The following KCNH5 variants were observed in gnomAD, a reference collection of about 807,000 sequenced individuals.
KCNH5 encodes the protein potassium voltage-gated channel subfamily H member 5, also known as voltage-gated delayed rectifier potassium channel KCNH5.
KCNH5 carries 46 observed loss-of-function variants against 96.1 expected under a neutral mutation model. The observed-to-expected ratio is 0.48, with a 90% CI of 0.38 to 0.61. KCNH5 has a LOEUF of 0.61. KCNH5 is among the 20% of genes least tolerant of loss of function. KCNH5 has a pLI of 0.00. For synonymous variants in KCNH5, 439 were observed against 449.8 expected, an observed-to-expected ratio of 0.98 and a Z score of 0.30; for missense variants, 907 against 1,225.8, an observed-to-expected ratio of 0.74 and a Z score of 3.88.
intron 4 of KCNH5, among the ~76,000 whole-genome samples, chr14:62,997,738 A>C (rs146945137): frequency 6.6e-6 from 1 of 151,618 alleles, no homozygotes; most frequent in African/African-American, 2.4e-5. Flanking sequence ...TCTACTAAAA[A>C]TACAAAAAAA....
At chr14:62,906,272 A>G (rs1889025583) in intron 7 of KCNH5, among the ~76,000 whole-genome samples, 1 of 152,166 alleles carries the variant, frequency 6.6e-6, no homozygotes. Flanking sequence ...AGTCACAAAT[A>G]TAGTATGTCT....
intron 7 of KCNH5, among the ~76,000 whole-genome samples, chr14:62,940,914 C>T (rs767795731): frequency 3.0e-4 from 46 of 152,206 alleles, no homozygotes; most frequent in Non-Finnish European, 2.5e-4. Context: ...AGATCCTCTT[C>T]TCACAAGTCC....
At chr14:62,784,471 A>T (rs1396274131) in intron 9 of KCNH5, among the ~76,000 whole-genome samples, 4 of 152,198 alleles carry the variant, frequency 2.6e-5, no homozygotes, top group African/African-American at 7.2e-5. Context: ...AATAATAGCA[A>T]CTGGATTTAA....
At chr14:62,838,167 GATC>G (rs1382732243) in intron 8 of KCNH5, among the ~76,000 whole-genome samples, 2 of 152,150 alleles carry the variant, frequency 1.3e-5, no homozygotes, top group African/African-American at 4.8e-5. Context: ...TCTTGGAAAA[GATC>G]ATCAAGCATA....
intron 8 of KCNH5, among the ~76,000 whole-genome samples, chr14:62,832,345 G>T (rs995308906): frequency 3.9e-5 from 6 of 152,072 alleles, no homozygotes; most frequent in Non-Finnish European, 7.4e-5. Context: ...CCTCAAATAA[G>T]TGGTATCATG....
At position 62,708,379 on chromosome 14, in the gene KCNH5, C is replaced by G. The variant is rs1482683755; in HGVS notation, c.2096G>C (p.Ser699Thr). 1.9e-6 allele frequency: 3 copies of G among 1,613,506 alleles called. No homozygotes were observed. The highest frequency in any genetic ancestry group is 1.7e-6 in the Non-Finnish European group (2 of 1,180,024). Residue 699 changes from serine (S) to threonine (T), a missense_variant, in exon 11 of 11, where the codon AGC (serine) becomes ACC (threonine). Around this residue, in one of 6 missense-constraint regions of KCNH5, gnomAD observed 362 missense variants for 394.4 expected, o/e 0.92. Transcript: ENST00000322893. Reference sequence around the variant, plus strand: ...TCTGACTGGGTGGTCCACGGGAATGCTGAGGGTCACCTCATTCTTCTGCCG... The same window carrying G: ...TCTGACTGGGTGGTCCACGGGAATGGTGAGGGTCACCTCATTCTTCTGCCG... ...RLRQKNEVTL[S>T]IPVDHPVRKL... is the part of the protein sequence containing the mutation.
At chr14:62,778,340 G>C (rs974699629) in intron 10 of KCNH5, among the ~76,000 whole-genome samples, 7 of 105,936 alleles carry the variant, frequency 6.6e-5, no homozygotes, top group Non-Finnish European at 1.6e-4. Context: ...ATCTGCATTT[G>C]GGCAAAAAAA....
At position 62,729,345 on chromosome 14, in the gene KCNH5, C is replaced by G. The variant is rs187935640; in HGVS notation, c.2020-20890G>C. Among the ~76,000 whole-genome samples the G allele has an allele frequency of 9.2e-5, 14 of 152,318 alleles. No individual in the cohort carries two copies. The East Asian group carries it at 2.5e-3, about 27-fold the overall frequency. On this transcript the variant is annotated intron_variant, in intron 10 of 10. Coordinates refer to ENST00000322893, the MANE Select transcript of KCNH5 (RefSeq NM_139318.5). ...TTAATACATTTTAGAGATGAAGGTG[C>G]TATTCATAATTATTCCAGGACTACA...
intron 1 of KCNH5, among the ~76,000 whole-genome samples, chr14:63,017,353 T>C: frequency 6.6e-6 from 1 of 151,912 alleles, no homozygotes; most frequent in East Asian, 1.9e-4. Context: ...AAGTTGATAA[T>C]AAAAGAAAAT....
intron 10 of KCNH5, among the ~76,000 whole-genome samples, chr14:62,755,695 G>A (rs1412081228): frequency 6.6e-6 from 1 of 152,182 alleles, no homozygotes; most frequent in Non-Finnish European, 1.5e-5. Context: ...GAACACTGAT[G>A]TAAAAACCTT....
At chr14:62,726,611 GAA>G (rs201993660) in intron 10 of KCNH5, among the ~76,000 whole-genome samples, 1 of 144,440 alleles carries the variant, frequency 6.9e-6, no homozygotes. Context: ...TGGCTAAAAT[GAA>G]AAAAAAAAAT....
At chr14:63,027,220 A>G (rs1891540207) in intron 1 of KCNH5, among the ~76,000 whole-genome samples, 1 of 152,072 alleles carries the variant, frequency 6.6e-6, no homozygotes, top group Admixed American at 6.6e-5. Context: ...GATGTTGGTC[A>G]AGGGACAAAA....
At chr14:62,784,183 G>C (rs1323729370) in intron 9 of KCNH5, among the ~76,000 whole-genome samples, 1 of 152,142 alleles carries the variant, frequency 6.6e-6, no homozygotes, top group Non-Finnish European at 1.5e-5. Context: ...TGGCAGGCAA[G>C]AGCGCTTGTA....
intron 4 of KCNH5, among the ~76,000 whole-genome samples, chr14:62,989,245 G>A (rs748693025): frequency 4.0e-5 from 6 of 151,850 alleles, no homozygotes; most frequent in African/African-American, 7.3e-5. Context: ...GAAACCTGAA[G>A]GCCTCCAGGA....
intron 7 of KCNH5, among the ~76,000 whole-genome samples, chr14:62,933,471 G>A (rs10142697): frequency 6.6e-6 from 1 of 151,840 alleles, no homozygotes; most frequent in Non-Finnish European, 1.5e-5. Context: ...GTGTGTGTGT[G>A]TATGTGTGTG....
chr14:62,913,682 A>C (rs34487983), intron 7 of KCNH5, among the ~76,000 whole-genome samples: 53,900 of 151,970 alleles, frequency 0.35, 10,344 homozygotes, highest in South Asian at 0.62. Context: ...AATAAGAACA[A>C]TATAAAACCC....
intron 7 of KCNH5, among the ~76,000 whole-genome samples, chr14:62,882,330 C>T (rs1037222296): frequency 1.3e-5 from 2 of 152,062 alleles, no homozygotes; most frequent in African/African-American, 2.4e-5. Flanking sequence ...TCTGAGAAGA[C>T]CACAGATCTT....
chr14:63,028,983 T>C (rs1460798966), intron 1 of KCNH5, among the ~76,000 whole-genome samples: 1 of 152,160 alleles, frequency 6.6e-6, no homozygotes, highest in African/African-American at 2.4e-5. Context: ...TTCATCTTTA[T>C]ACTTGAAGTT....
At chr14:62,950,586 ACACCACATTTTCAGG>A in intron 6 of KCNH5, 27 bp from the exon 7 acceptor site, 1 of 1,475,054 alleles carries the variant, frequency 6.8e-7, no homozygotes, top group Non-Finnish European at 9.0e-7. Context: ...AAAAAAAATT[ACACCACATTTTCAGG>A]AAAAAAAAAG....
Sources: gnomAD v4.1 joint callset for allele counts (sites outside exome capture counted in the v4.1 genomes callset) on GRCh38, gnomAD v4.1.1 for gene constraint, gnomAD v4.1.1 regional missense constraint, MANE v1.5 for transcripts, NCBI Gene and HGNC (gene_info 2026-07-23, HGNC 2026-07-21) for gene names.